ANKFY1: variants seen among roughly 807,000 people sequenced by gnomAD.
The protein encoded by ANKFY1 is ankyrin repeat and FYVE domain containing 1.
Under a neutral mutation model 128.3 loss-of-function variants are expected in ANKFY1, and 47 were observed. The ratio of observed to expected loss-of-function variants is 0.37; its 90% CI spans 0.29 to 0.47. The LOEUF is 0.47. ANKFY1 is among the 20% of genes least tolerant of loss of function. The pLI is 1.00. For missense variants in ANKFY1, 1,222 were observed against 1,510.6 expected (o/e 0.81, Z 3.17); for synonymous variants, 553 against 601.6 (o/e 0.92, Z 1.18).
intron 3 of ANKFY1, among the ~76,000 whole-genome samples, chr17:4,230,149 C>T (rs947289488): frequency 6.6e-6 from 1 of 152,170 alleles, no homozygotes; most frequent in African/African-American, 2.4e-5. Flanking sequence ...TAGCACACAG[C>T]TCCCCGAGTA....
At chr17:4,222,463 A>G (rs1289936845) in intron 3 of ANKFY1, 4 of 817,232 alleles carry the variant, frequency 4.9e-6, no homozygotes, top group Non-Finnish European at 6.6e-6. Flanking sequence ...CCAAGCGGAC[A>G]ATGTTTTGGC....
chr17:4,198,019 C>T (rs1397313613), intron 7 of ANKFY1, among the ~76,000 whole-genome samples: 2 of 151,960 alleles, frequency 1.3e-5, no homozygotes, highest in Non-Finnish European at 1.5e-5. Context: ...ATCCCAGCTA[C>T]TTGGGAGGCT....
At chr17:4,210,728 A>AAAAAAAAAC in intron 4 of ANKFY1, among the ~76,000 whole-genome samples, 1 of 150,654 alleles carries the variant, frequency 6.6e-6, no homozygotes, top group Non-Finnish European at 1.5e-5. Context: ...AAAAAAAAAA[A>AAAAAAAAAC]AAAAGCTCTC....
At chr17:4,184,292 A>G (rs2059571855) in intron 12 of ANKFY1, among the ~76,000 whole-genome samples, 1 of 152,234 alleles carries the variant, frequency 6.6e-6, no homozygotes, top group Non-Finnish European at 1.5e-5. Flanking sequence ...CATAGTACCT[A>G]AAACCCAACC....
chr17:4,244,564 A>G (rs1032051419), intron 1 of ANKFY1, among the ~76,000 whole-genome samples: 1 of 151,894 alleles, frequency 6.6e-6, no homozygotes, highest in African/African-American at 2.4e-5. Context: ...CTTCCACATC[A>G]CAGACATTCC....
At chr17:4,221,037 C>T (rs1198510857) in intron 3 of ANKFY1, among the ~76,000 whole-genome samples, 1 of 152,216 alleles carries the variant, frequency 6.6e-6, no homozygotes, top group Non-Finnish European at 1.5e-5. Context: ...CGTTTCACTG[C>T]AGGCCAGGAT....
At chr17:4,211,421 T>C (rs763392537) in intron 4 of ANKFY1, among the ~76,000 whole-genome samples, 5 of 142,776 alleles carry the variant, frequency 3.5e-5, no homozygotes, top group East Asian at 2.0e-4. Context: ...TTAGAAAAAA[T>C]AGCCAAATCA....
At chr17:4,244,444 TA>T (rs1401559874) in intron 1 of ANKFY1, among the ~76,000 whole-genome samples, 1 of 152,068 alleles carries the variant, frequency 6.6e-6, no homozygotes, top group Non-Finnish European at 1.5e-5. Context: ...AGGGATGAGA[TA>T]GGGGGTTTAT....
At chr17:4,182,412 T>C in intron 14 of ANKFY1, 63 bp from the exon 15 acceptor site, 2 of 1,333,590 alleles carry the variant, frequency 1.5e-6, no homozygotes, top group Non-Finnish European at 2.0e-6. Context: ...GAAGGTGCCC[T>C]TCTGGGCATT....
chr17:4,192,996 T>C (rs541179887), intron 10 of ANKFY1, among the ~76,000 whole-genome samples: 1 of 152,182 alleles, frequency 6.6e-6, no homozygotes, highest in East Asian at 1.9e-4. Flanking sequence ...AACTATATAA[T>C]ATAAAATTGA....
chr17:4,256,505 G>A (rs1026544433), intron 1 of ANKFY1, among the ~76,000 whole-genome samples: 1 of 152,112 alleles, frequency 6.6e-6, no homozygotes, highest in African/African-American at 2.4e-5. Context: ...ATGGAACGAG[G>A]GAGAGAGGAA....
chr17:4,170,622 C>T, intron 23 of ANKFY1, 93 bp downstream of exon 23: 2 of 1,501,154 alleles, frequency 1.3e-6, no homozygotes, highest in South Asian at 2.6e-5. Context: ...GATCCTAAGG[C>T]ATCATGAGAT....
At chr17:4,202,136 C>A (rs1364717580) in intron 7 of ANKFY1, among the ~76,000 whole-genome samples, 1 of 152,194 alleles carries the variant, frequency 6.6e-6, no homozygotes, top group Non-Finnish European at 1.5e-5. Flanking sequence ...GGCGCAGCGG[C>A]TCCTGACTGT....
chr17:4,210,086 A>G (rs1224330558), intron 4 of ANKFY1, 139 bp from the exon 5 acceptor site: 1 of 636,022 alleles, frequency 1.6e-6, no homozygotes, highest in Admixed American at 3.6e-5. Flanking sequence ...AGGGTTATGA[A>G]TAAATTACAG....
Position 4,183,828 on chromosome 17 carries a change from GC to G in ANKFY1, c.1781del (p.Gly594AlafsTer55). The G allele has an allele frequency of 6.2e-7, 1 of 1,613,004 alleles. No homozygotes were observed. The highest frequency in any genetic ancestry group is 8.5e-7 in the Non-Finnish European group (1 of 1,178,934). On this transcript the variant is annotated frameshift_variant, in exon 13 of 25. Coordinates refer to ENST00000341657, the MANE Select transcript of ANKFY1 (RefSeq NM_001330063.2). LOFTEE classifies it high-confidence loss of function. Reference protein sequence around the residue: ...LKDSRDQTVLGLALWTGMHTI... With the variant: ...LKDSRDQTVLXLALWTGMHTI... ...CAGCCTTACCAGTCCATAATGCCAG[GC>G]CCAGCACAGTCTGGTCTCGGGAATC...
At chr17:4,168,904 C>A in intron 24 of ANKFY1, 1 of 393,428 alleles carries the variant, frequency 2.5e-6, no homozygotes, top group South Asian at 3.6e-5. Context: ...CTCATCTCAG[C>A]TTTGGTGCAG....
intron 3 of ANKFY1, among the ~76,000 whole-genome samples, chr17:4,219,973 C>T (rs556089953): frequency 4.3e-4 from 66 of 152,056 alleles, no homozygotes; most frequent in Non-Finnish European, 8.2e-4. Flanking sequence ...CATGTGCCTG[C>T]TGCCATGCCC....
At chr17:4,218,694 A>T (rs568323615) in intron 3 of ANKFY1, among the ~76,000 whole-genome samples, 10 of 152,286 alleles carry the variant, frequency 6.6e-5, no homozygotes, top group African/African-American at 2.4e-4. Context: ...AAATTAAACA[A>T]AATAAAACCA....
intron 21 of ANKFY1, among the ~76,000 whole-genome samples, chr17:4,173,017 C>T (rs1239894691): frequency 2.0e-5 from 3 of 152,188 alleles, no homozygotes; most frequent in African/African-American, 7.2e-5. Flanking sequence ...CCACCACGCC[C>T]AGATAATTTT....
Sources: allele counts gnomAD v4.1 joint callset (sites outside exome capture counted in the v4.1 genomes callset), GRCh38; gene constraint gnomAD v4.1.1; transcripts MANE v1.5; gene names NCBI Gene and HGNC (gene_info 2026-07-23, HGNC 2026-07-21).